DMD: variants seen among roughly 807,000 people sequenced by gnomAD.
DMD encodes mutant dystrophin.
Under a neutral mutation model 330.1 loss-of-function variants are expected in DMD, and 63 were observed. The ratio of observed to expected loss-of-function variants is 0.19; its 90% CI spans 0.16 to 0.24. The LOEUF is 0.24. Ranked by LOEUF, DMD falls within the 10% of genes least tolerant of loss-of-function variation. The pLI is 1.00. For missense variants in DMD, 3,344 were observed against 2,684.1 expected (o/e 1.25, Z -5.43); for synonymous variants, 1,223 against 959.8 (o/e 1.27, Z -5.07).
At chrX:32,683,154 G>A (rs759395422) in intron 9 of DMD, among the ~76,000 whole-genome samples, 1 of 111,159 alleles carries the variant, frequency 9.0e-6, no homozygotes, top group South Asian at 3.8e-4. Flanking sequence ...AACCACAATT[G>A]GGTTATCATG....
At chrX:33,115,656 C>T (rs938382810) in intron 1 of DMD, among the ~76,000 whole-genome samples, 7 of 107,814 alleles carry the variant, frequency 6.5e-5, no homozygotes, top group African/African-American at 1.7e-4. Flanking sequence ...GGACTACAGG[C>T]GCCCGCAACC....
At chrX:32,194,741 G>A (rs763809243) in intron 44 of DMD, among the ~76,000 whole-genome samples, 1 of 111,965 alleles carries the variant, frequency 8.9e-6, no homozygotes, top group East Asian at 2.8e-4. Context: ...AAGTGAGGAA[G>A]CACTAATATG....
Position 31,833,324 on chromosome X carries a change from G to GT in DMD, c.7200+3393_7200+3394insA, listed in dbSNP as rs1569464598. The stretch of plus-strand genomic sequence containing the variant: ...AGGGAGAGAGGGAGAGAGGGAGAGA[G>GT]GGAGAGAGGGAGAGAGTGGAGAGGG... On this transcript the variant is annotated intron_variant, in intron 49 of 78. Coordinates refer to ENST00000357033, the MANE Select transcript of DMD (RefSeq NM_004006.3). Among the ~76,000 whole-genome samples, 31 of 72,163 alleles carry GT rather than the reference G, an allele frequency of 4.3e-4. 1 individual carries two copies. The highest frequency in any genetic ancestry group is 1.4e-3 in the African/African-American group (25 of 17,954). The allele number at this position is 72,163 out of a possible 115,157, so 62.7% of individuals were successfully genotyped here.
intron 1 of DMD, among the ~76,000 whole-genome samples, chrX:33,238,937 C>T (rs188455751): frequency 1.5e-3 from 163 of 110,566 alleles, no homozygotes; most frequent in Non-Finnish European, 2.4e-3. Context: ...ACAGCATCGC[C>T]GTTATATATG....
intron 60 of DMD, 36 bp from the exon 61 acceptor site, chrX:31,348,670 T>G (rs764517975): frequency 2.9e-5 from 32 of 1,104,210 alleles, no homozygotes; most frequent in Non-Finnish European, 3.9e-5. Context: ...GTTCTCTCAT[T>G]CTATATAATG....
intron 57 of DMD, among the ~76,000 whole-genome samples, chrX:31,493,313 G>A (rs2069491404): frequency 8.9e-6 from 1 of 112,202 alleles, no homozygotes; most frequent in African/African-American, 3.2e-5. Context: ...ACACATGTAC[G>A]TGATGACAAA....
chrX:31,418,800 G>T (rs2063211104), intron 60 of DMD, among the ~76,000 whole-genome samples: 1 of 112,172 alleles, frequency 8.9e-6, no homozygotes, highest in African/African-American at 3.2e-5. Flanking sequence ...TCAGGTGAGG[G>T]CTCTGTGCAC....
intron 43 of DMD, among the ~76,000 whole-genome samples, chrX:32,258,843 T>C (rs1209674661): frequency 1.8e-5 from 2 of 110,933 alleles, no homozygotes; most frequent in Non-Finnish European, 3.8e-5. Context: ...AAAATATATT[T>C]TGTCATTGTT....
At chrX:32,045,312 A>G (rs1221449247) in intron 44 of DMD, among the ~76,000 whole-genome samples, 4 of 105,963 alleles carry the variant, frequency 3.8e-5, no homozygotes, top group Non-Finnish European at 7.7e-5. Flanking sequence ...TGCTGTCCTC[A>G]TGATAGCAGC....
chrX:32,785,455 A>G (rs1469433412), intron 7 of DMD, among the ~76,000 whole-genome samples: 1 of 111,720 alleles, frequency 9.0e-6, no homozygotes, highest in Non-Finnish European at 1.9e-5. Flanking sequence ...TCCTTCAAGC[A>G]CTACCTTTGC....
chrX:32,588,685 G>A (rs747912787), intron 13 of DMD, among the ~76,000 whole-genome samples: 18 of 111,674 alleles, frequency 1.6e-4, no homozygotes, highest in Non-Finnish European at 1.1e-4. Context: ...TAAGACTGAA[G>A]GCAAGGACTT....
rs2097986355 is a variant in DMD at position 32,389,566 on chromosome X, A to G, written c.4453T>C (p.Leu1485=). 1 of 1,208,958 alleles carries G rather than the reference A, an allele frequency of 8.3e-7. No homozygotes were observed. Among genetic ancestry groups the G allele is most frequent in the South Asian group, 1.8e-5 (1 of 56,834 alleles). The change falls in exon 32 of 79, where the codon TTG becomes CTG. Residue 1485 remains leucine, a synonymous_variant. Coordinates refer to ENST00000357033, the MANE Select transcript of DMD (RefSeq NM_004006.3). ...KMILDEVKMH[L]PALETKSVEQ... Reference sequence around the variant, plus strand: ...ACACTCTTTGTTTCCAATGCAGGCAAGTGCATCTTCACTTCATCTAAAATC... The same window carrying G: ...ACACTCTTTGTTTCCAATGCAGGCAGGTGCATCTTCACTTCATCTAAAATC...
chrX:32,688,237 T>C (rs762658541), intron 9 of DMD, among the ~76,000 whole-genome samples: 1 of 111,279 alleles, frequency 9.0e-6, no homozygotes, highest in African/African-American at 3.3e-5. Context: ...ATATCCTTGG[T>C]TCGCAAAAAT....
At chrX:31,905,288 T>C in intron 47 of DMD, among the ~76,000 whole-genome samples, 1 of 111,576 alleles carries the variant, frequency 9.0e-6, no homozygotes, top group Non-Finnish European at 1.9e-5. Context: ...GTTTCCACAA[T>C]TTCACACAGA....
At chrX:32,996,834 C>T (rs963055723) in intron 2 of DMD, among the ~76,000 whole-genome samples, 1 of 109,876 alleles carries the variant, frequency 9.1e-6, no homozygotes, top group Non-Finnish European at 1.9e-5. Flanking sequence ...AAAAAACTAG[C>T]TTGCATTTTA....
At chrX:31,695,627 G>A (rs1045723553) in intron 52 of DMD, among the ~76,000 whole-genome samples, 25 of 110,548 alleles carry the variant, frequency 2.3e-4, no homozygotes, top group African/African-American at 8.2e-4. Context: ...GGAATAATAA[G>A]GATGAGCCTG....
intron 61 of DMD, among the ~76,000 whole-genome samples, chrX:31,337,072 C>A (rs1286962929): frequency 1.8e-5 from 2 of 108,972 alleles, no homozygotes; most frequent in African/African-American, 6.7e-5. Flanking sequence ...TACAGGTGTG[C>A]GCCACCATGC....
chrX:32,109,390 C>T (rs1391624406), intron 44 of DMD, among the ~76,000 whole-genome samples: 2 of 111,013 alleles, frequency 1.8e-5, no homozygotes, highest in African/African-American at 6.5e-5. Context: ...GAAAGTTAAT[C>T]GTGGGGATAT....
intron 55 of DMD, among the ~76,000 whole-genome samples, chrX:31,608,395 T>C (rs1373091464): frequency 9.0e-6 from 1 of 111,724 alleles, no homozygotes; most frequent in Non-Finnish European, 1.9e-5. Context: ...GATGTATAAA[T>C]AAAATATAAT....
Sources: allele counts gnomAD v4.1 joint callset (sites outside exome capture counted in the v4.1 genomes callset), GRCh38; gene constraint gnomAD v4.1.1; transcripts MANE v1.5; gene names NCBI Gene and HGNC (gene_info 2026-07-23, HGNC 2026-07-21).